SVOP: variants seen among roughly 807,000 people sequenced by gnomAD.
SVOP encodes the protein synaptic vesicle 2-related protein.
A neutral mutation model predicts 69.1 loss-of-function variants in SVOP; 17 were observed. That is an observed-to-expected ratio of 0.25 (90% CI 0.17 to 0.37). SVOP has a LOEUF of 0.37. SVOP is among the 10% of genes least tolerant of loss of function. SVOP has a pLI of 1.00. For missense variants in SVOP, 435 were observed against 597.5 expected (o/e 0.73, Z 2.84); for synonymous variants, 238 against 238.6 (o/e 1.00, Z 0.02).
At chr12:109,012,375 T>C (rs567432000) in intron 1 of SVOP, among the ~76,000 whole-genome samples, 1 of 152,220 alleles carries the variant, frequency 6.6e-6, no homozygotes, top group South Asian at 2.1e-4. Flanking sequence ...TAGAGTATTG[T>C]ATACTTGAAA....
intron 11 of SVOP, among the ~76,000 whole-genome samples, chr12:108,932,590 A>G (rs979101166): frequency 1.3e-5 from 2 of 152,310 alleles, no homozygotes; most frequent in Middle Eastern, 3.4e-3. Flanking sequence ...TAAGCTCCCA[A>G]TCTACTGAAC....
At chr12:108,954,580 T>G (rs572693168) in intron 6 of SVOP, among the ~76,000 whole-genome samples, 1 of 152,320 alleles carries the variant, frequency 6.6e-6, no homozygotes, top group East Asian at 1.9e-4. Context: ...TCGTCCTCTT[T>G]GTAGTCCCGC....
intron 3 of SVOP, 48 bp from the exon 4 acceptor site, chr12:108,977,544 T>G: frequency 7.5e-7 from 1 of 1,330,058 alleles, no homozygotes; most frequent in Non-Finnish European, 1.0e-6. Flanking sequence ...TGCTTGGTGC[T>G]GGGGAAGGCT....
At chr12:108,987,918 A>G (rs538173710) in intron 1 of SVOP, among the ~76,000 whole-genome samples, 26 of 34,500 alleles carry the variant, frequency 7.5e-4, no homozygotes, top group African/African-American at 1.3e-3. Flanking sequence ...TGAATGCACC[A>G]AAGTTTGAAA....
intron 5 of SVOP, among the ~76,000 whole-genome samples, chr12:108,962,854 A>G (rs2040024957): frequency 6.6e-6 from 1 of 151,822 alleles, no homozygotes; most frequent in Non-Finnish European, 1.5e-5. Context: ...AGTCCCAGCT[A>G]CTTGGGAGTC....
chr12:108,963,022 AT>A (rs539028630), intron 5 of SVOP, among the ~76,000 whole-genome samples: 94 of 152,266 alleles, frequency 6.2e-4, no homozygotes, highest in South Asian at 5.0e-3. Flanking sequence ...TGGAGTGTTA[AT>A]TACCCTTAGA....
At chr12:108,922,880 TG>T in intron 11 of SVOP, 83 bp from the exon 12 acceptor site, 1 of 955,188 alleles carries the variant, frequency 1.0e-6, no homozygotes, top group Non-Finnish European at 1.6e-6. Context: ...CCTCCTTCCC[TG>T]GGGTGATTCA....
intron 6 of SVOP, among the ~76,000 whole-genome samples, chr12:108,952,156 T>A (rs928961587): frequency 3.3e-5 from 5 of 152,110 alleles, no homozygotes; most frequent in Non-Finnish European, 7.4e-5. Context: ...TAATCATTGT[T>A]TTAAACCATG....
At chr12:109,005,517 G>A (rs2040301693) in intron 1 of SVOP, among the ~76,000 whole-genome samples, 1 of 152,184 alleles carries the variant, frequency 6.6e-6, no homozygotes, top group African/African-American at 2.4e-5. Context: ...ACCTCGAGAA[G>A]TGGATGCTCT....
intron 1 of SVOP, among the ~76,000 whole-genome samples, chr12:109,008,586 A>T (rs2040323090): frequency 1.3e-5 from 2 of 152,220 alleles, no homozygotes; most frequent in African/African-American, 4.8e-5. Flanking sequence ...AGGTAATGAT[A>T]AAAAATAAAT....
intron 1 of SVOP, among the ~76,000 whole-genome samples, chr12:109,019,935 CCTTT>C (rs1209526752): frequency 1.3e-5 from 2 of 152,156 alleles, no homozygotes; most frequent in Non-Finnish European, 2.9e-5. Context: ...TATAATTTAT[CCTTT>C]CTAACAATCC....
At chr12:108,923,612 T>A (rs2039763475) in intron 11 of SVOP, among the ~76,000 whole-genome samples, 1 of 152,014 alleles carries the variant, frequency 6.6e-6, no homozygotes, top group Non-Finnish European at 1.5e-5. Context: ...AGCTATGAGA[T>A]GATAAGTGTG....
At position 108,961,065 on chromosome 12, in the gene SVOP, ACG is replaced by A; in HGVS notation, c.454-20_454-19del. On this transcript the variant is annotated intron_variant, in intron 5 of 15. Coordinates refer to ENST00000610966, the MANE Select transcript of SVOP (RefSeq NM_018711.5). ...TTCAGCCCCTGAAGAGAAGGAAGAC[ACG>A]GAATCACAAGGGCTTTTCAGCACCT... 1 of 1,532,438 alleles carries A rather than the reference ACG, an allele frequency of 6.5e-7. No homozygotes were observed. The highest frequency in any genetic ancestry group is 1.2e-5 in the South Asian group (1 of 83,572). The allele number at this position is 1,532,438 out of a possible 1,614,324, so 94.9% of individuals were successfully genotyped here.
intron 8 of SVOP, among the ~76,000 whole-genome samples, chr12:108,939,864 TG>T (rs199615432): frequency 0.016 from 2,445 of 152,308 alleles, 30 homozygotes; most frequent in Middle Eastern, 0.082. Context: ...GAAGTGACTG[TG>T]CAGTCTCCAC....
intron 1 of SVOP, among the ~76,000 whole-genome samples, chr12:108,989,254 C>G (rs914209747): frequency 2.0e-5 from 3 of 152,080 alleles, no homozygotes; most frequent in Admixed American, 1.3e-4. Flanking sequence ...TAGTTTGTTT[C>G]GTAGAGACAG....
chr12:108,985,887 T>C lies in SVOP; in HGVS notation c.36-2126A>G, dbSNP rs866024945. 1.9e-4 allele frequency among the ~76,000 whole-genome samples: 29 copies of C among 152,352 alleles called. 1 individual carries two copies. Among genetic ancestry groups the C allele is most frequent in the Middle Eastern group, 6.8e-3 (2 of 294 alleles). The stretch of plus-strand genomic sequence containing the variant: ...TGTGCTGGCATAGAAAGGGTAAATC[T>C]CTGGATTTCAGAAGCACAGGGAACA... On this transcript the variant is annotated intron_variant, in intron 1 of 15. Transcript: ENST00000610966.
At chr12:108,923,362 G>A (rs900449308) in intron 11 of SVOP, among the ~76,000 whole-genome samples, 3 of 152,202 alleles carry the variant, frequency 2.0e-5, no homozygotes, top group Admixed American at 2.0e-4. Context: ...GTGGCAAGGA[G>A]TGGAGGGGAG....
intron 1 of SVOP, among the ~76,000 whole-genome samples, chr12:108,988,974 T>C (rs2040182882): frequency 6.6e-6 from 1 of 151,740 alleles, no homozygotes; most frequent in East Asian, 1.9e-4. Context: ...GGTTTCACCA[T>C]ATTGGCCAGG....
intron 15 of SVOP, among the ~76,000 whole-genome samples, chr12:108,915,230 G>C (rs2039706514): frequency 6.6e-6 from 1 of 150,980 alleles, no homozygotes; most frequent in African/African-American, 2.4e-5. Flanking sequence ...CTGCAGGTTT[G>C]TTACACAGAT....
Sources: gnomAD v4.1 joint callset for allele counts (sites outside exome capture counted in the v4.1 genomes callset) on GRCh38, gnomAD v4.1.1 for gene constraint, MANE v1.5 for transcripts, NCBI Gene and HGNC (gene_info 2026-07-23, HGNC 2026-07-21) for gene names.